Variants in NCKAP1 observed in about 807,000 individuals in gnomAD.
NCKAP1 encodes NCK associated protein 1.
NCKAP1 carries 21 observed loss-of-function variants against 151.2 expected under a neutral mutation model. The observed-to-expected ratio is 0.14, with a 90% CI of 0.10 to 0.20. The LOEUF (loss-of-function observed/expected upper bound fraction) is 0.20. Ranked by LOEUF, NCKAP1 falls within the 10% of genes least tolerant of loss-of-function variation. The probability of loss-of-function intolerance (pLI) is 1.00; values close to 1 mark genes in which losing one functional copy is unlikely to be tolerated. For synonymous variants in NCKAP1, 484 were observed against 451.8 expected (o/e 1.07, Z -0.90); for missense variants, 933 against 1,352.1 (o/e 0.69, Z 4.86).
chr2:182,989,371 T>TAAA (rs1355580860), intron 8 of NCKAP1, among the ~76,000 whole-genome samples, 185 bp from the exon 9 acceptor site: 1 of 152,208 alleles, frequency 6.6e-6, no homozygotes, highest in African/African-American at 2.4e-5. Context: ...TAATTTTCTG[T>TAAA]ATTCTGCAAA....
At chr2:182,932,262 CCATA>C (rs1390551921) in intron 26 of NCKAP1, among the ~76,000 whole-genome samples, 1 of 151,636 alleles carries the variant, frequency 6.6e-6, no homozygotes, top group Non-Finnish European at 1.5e-5. Context: ...TGTTGTATAC[CCATA>C]CAATGAAACA....
At chr2:183,022,069 T>C (rs1004379964) in intron 2 of NCKAP1, among the ~76,000 whole-genome samples, 1 of 152,180 alleles carries the variant, frequency 6.6e-6, no homozygotes, top group Non-Finnish European at 1.5e-5. Flanking sequence ...TTGCCCGGCA[T>C]ATCAAGAACA....
At chr2:183,007,519 G>A (rs543195748) in intron 2 of NCKAP1, among the ~76,000 whole-genome samples, 1 of 152,170 alleles carries the variant, frequency 6.6e-6, no homozygotes, top group Non-Finnish European at 1.5e-5. Flanking sequence ...TAAGGAATCA[G>A]TGCCTACGAG....
At chr2:182,975,806 G>C (rs946996324) in intron 15 of NCKAP1, among the ~76,000 whole-genome samples, 1 of 152,110 alleles carries the variant, frequency 6.6e-6, no homozygotes, top group South Asian at 2.1e-4. Context: ...TCAGGAGGCT[G>C]ATGTGGGAGC....
chr2:183,008,089 G>C (rs1698514938), intron 2 of NCKAP1, among the ~76,000 whole-genome samples: 1 of 152,092 alleles, frequency 6.6e-6, no homozygotes, highest in African/African-American at 2.4e-5. Flanking sequence ...AGCACACCCA[G>C]TTAATTTTAT....
intron 21 of NCKAP1, 47 bp from the exon 22 acceptor site, chr2:182,952,970 G>C (rs765770644): frequency 6.4e-7 from 1 of 1,570,236 alleles, no homozygotes; most frequent in South Asian, 1.2e-5. Flanking sequence ...GCTTAATTCA[G>C]AATGTATCAT....
rs1697240598 is a variant in NCKAP1 at position 182,952,809 on chromosome 2, T to C, written c.2487A>G (p.Glu829=). 2 of 1,607,296 alleles carry C rather than the reference T, an allele frequency of 1.2e-6. No homozygotes were observed. The highest frequency in any genetic ancestry group is 1.7e-6 in the Non-Finnish European group (2 of 1,176,988). Residue 829 remains glutamate (E), a synonymous_variant, in exon 22 of 31, where the codon GAA becomes GAG. Coordinates refer to ENST00000361354, the MANE Select transcript of NCKAP1 (RefSeq NM_013436.5). Reference sequence around the variant, plus strand: ...ACTATTCACCTGATATGTCAGAATATTCCTCTGCATTGAATGTTAATTCAT... The same window carrying C: ...ACTATTCACCTGATATGTCAGAATACTCCTCTGCATTGAATGTTAATTCAT... The part of the protein sequence containing the change: ...TENELTFNAE[E]YSDISEMRSL...
At position 182,967,475 on chromosome 2, in the gene NCKAP1, C is replaced by A. The variant is rs763640825; in HGVS notation, c.1483-114G>T. On this transcript the variant is annotated intron_variant, in intron 15 of 30. Transcript: ENST00000361354. The stretch of plus-strand genomic sequence containing the variant: ...GATACTTAAACTATCTACTGTGACA[C>A]TGACAGTAACATCTACTGTGTTAGT... The A allele has an allele frequency of 1.8e-4, 160 of 911,020 alleles. 1 individual carries two copies. The highest frequency in any genetic ancestry group is 2.6e-4 in the Non-Finnish European group (152 of 586,206). 56.4% of individuals were successfully genotyped at this position (911,020 alleles called of 1,614,324 possible). A position where few individuals can be genotyped will look rare whatever the true frequency, so the allele number is the denominator to read the frequency against.
At chr2:182,965,006 T>C (rs1364241960) in intron 16 of NCKAP1, among the ~76,000 whole-genome samples, 198 bp from the exon 17 acceptor site, 1 of 152,200 alleles carries the variant, frequency 6.6e-6, no homozygotes, top group South Asian at 2.1e-4. Flanking sequence ...TATATAACAA[T>C]AACAACATTT....
chr2:182,968,535 C>G (rs965233244), intron 15 of NCKAP1, among the ~76,000 whole-genome samples: 4 of 152,148 alleles, frequency 2.6e-5, no homozygotes, highest in African/African-American at 9.7e-5. Flanking sequence ...GAGGTAATGT[C>G]TCCCTTGGAA....
intron 2 of NCKAP1, among the ~76,000 whole-genome samples, chr2:183,008,211 A>G (rs1337889454): frequency 6.6e-6 from 1 of 152,186 alleles, no homozygotes; most frequent in African/African-American, 2.4e-5. Flanking sequence ...AACAGGCATG[A>G]GCCACCACGC....
At chr2:182,978,007 G>A (rs1697859909) in intron 14 of NCKAP1, among the ~76,000 whole-genome samples, 1 of 152,158 alleles carries the variant, frequency 6.6e-6, no homozygotes, top group Non-Finnish European at 1.5e-5. Flanking sequence ...GATTCTTAGT[G>A]TGCTTACATG....
intron 26 of NCKAP1, 46 bp from the exon 27 acceptor site, chr2:182,930,834 T>C: frequency 6.6e-7 from 1 of 1,523,374 alleles, no homozygotes; most frequent in Non-Finnish European, 9.1e-7. Context: ...GTCTAACAAA[T>C]TTCTGAGAAA....
At chr2:183,032,682 G>T (rs1165667237) in intron 1 of NCKAP1, among the ~76,000 whole-genome samples, 1 of 152,160 alleles carries the variant, frequency 6.6e-6, no homozygotes, top group East Asian at 1.9e-4. Context: ...ACTGTATTTT[G>T]TTATCTTTAT....
At chr2:182,979,361 C>G (rs1697891975) in intron 13 of NCKAP1, among the ~76,000 whole-genome samples, 1 of 151,956 alleles carries the variant, frequency 6.6e-6, no homozygotes, top group Non-Finnish European at 1.5e-5. Context: ...ACAACATGCA[C>G]TAAAAATGAA....
In NCKAP1 at chr2:182,922,287, CTT is replaced by C. The variant is rs918020061; in HGVS notation, c.*3413_*3414del. On this transcript the variant is annotated 3_prime_UTR_variant, in exon 31 of 31. Transcript: ENST00000361354. ...AGAAGGCCTGATGGTGTACAACAGA[CTT>C]TACATTTTCACATTAATGCAAGAGC... 2.0e-5 allele frequency: 3 copies of C among 152,184 alleles called. No individual in the cohort carries two copies. The highest frequency in any genetic ancestry group is 4.8e-5 in the African/African-American group (2 of 41,446). The allele number at this position is 152,184 out of a possible 1,614,324, so 9.4% of individuals were successfully genotyped here.
intron 18 of NCKAP1, 130 bp downstream of exon 18, chr2:182,962,026 TCAC>T (rs1697464348): frequency 1.1e-5 from 10 of 885,126 alleles, no homozygotes; most frequent in Non-Finnish European, 1.7e-5. Context: ...TAATGGAGTT[TCAC>T]AGCAGAGGTT....
chr2:183,033,244 G>T (rs1207369136), intron 1 of NCKAP1, among the ~76,000 whole-genome samples: 4 of 152,220 alleles, frequency 2.6e-5, no homozygotes, highest in Non-Finnish European at 5.9e-5. Context: ...CCAACAAGAA[G>T]TCAACAAATT....
chr2:182,978,955 G>T, intron 13 of NCKAP1, 40 bp from the exon 14 acceptor site: 1 of 1,426,314 alleles, frequency 7.0e-7, no homozygotes, highest in Non-Finnish European at 9.8e-7. Flanking sequence ...AACATCTATA[G>T]TTGGGAAACA....
Sources: gnomAD v4.1 joint callset for allele counts (sites outside exome capture counted in the v4.1 genomes callset) on GRCh38, gnomAD v4.1.1 for gene constraint, MANE v1.5 for transcripts, NCBI Gene and HGNC (gene_info 2026-07-23, HGNC 2026-07-21) for gene names.